Variants in SH3BGRL observed in about 807,000 individuals in gnomAD.
SH3BGRL encodes the protein adapter SH3BGRL.
A neutral mutation model predicts 9.8 loss-of-function variants in SH3BGRL; 7 were observed. That is an observed-to-expected ratio of 0.72 (90% CI 0.41 to 1.35). The LOEUF is 1.35. Ranked by LOEUF, SH3BGRL falls within the 40% of genes most tolerant of loss-of-function variation. The pLI, the probability that SH3BGRL is intolerant of heterozygous loss-of-function variation, is 0.01. For synonymous variants in SH3BGRL, 36 were observed against 29.1 expected (o/e 1.24, Z -0.76); for missense variants, 73 against 84.4 (o/e 0.86, Z 0.53).
intron 1 of SH3BGRL, among the ~76,000 whole-genome samples, chrX:81,240,117 C>T (rs776035025): frequency 1.8e-5 from 2 of 112,037 alleles, no homozygotes; most frequent in South Asian, 7.4e-4. Flanking sequence ...AGAAAAAACA[C>T]AGATTATTAT....
chrX:81,238,343 A>G (rs952114189), intron 1 of SH3BGRL, among the ~76,000 whole-genome samples: 1 of 112,206 alleles, frequency 8.9e-6, no homozygotes, highest in Non-Finnish European at 1.9e-5. Flanking sequence ...GGGAACATTG[A>G]CAGCAGTCTG....
intron 1 of SH3BGRL, among the ~76,000 whole-genome samples, chrX:81,235,891 G>A (rs183867393): frequency 1.8e-4 from 20 of 111,271 alleles, no homozygotes; most frequent in East Asian, 1.7e-3. Context: ...CTGGCTCCTC[G>A]TACTGAACTT....
chrX:81,224,977 T>TA (rs1223705688), intron 1 of SH3BGRL, among the ~76,000 whole-genome samples: 5 of 109,732 alleles, frequency 4.6e-5, no homozygotes, highest in South Asian at 3.9e-4. Context: ...CAGTCTTTTC[T>TA]AAAAAAAAGG....
intron 1 of SH3BGRL, among the ~76,000 whole-genome samples, chrX:81,208,692 A>G (rs1473554539): frequency 1.8e-5 from 2 of 112,027 alleles, no homozygotes; most frequent in Non-Finnish European, 3.8e-5. Flanking sequence ...ACCAAGGTTA[A>G]ACAAAAGTAC....
intron 1 of SH3BGRL, among the ~76,000 whole-genome samples, chrX:81,205,318 G>A (rs770154685): frequency 8.1e-5 from 9 of 110,443 alleles, no homozygotes; most frequent in Non-Finnish European, 1.7e-4. Flanking sequence ...GGGTGAGAAC[G>A]TGTGGTATGT....
chrX:81,217,268 A>T (rs2075584148), intron 1 of SH3BGRL, among the ~76,000 whole-genome samples: 1 of 109,846 alleles, frequency 9.1e-6, no homozygotes, highest in Non-Finnish European at 1.9e-5. Context: ...AATTTCATTT[A>T]GTTCTGCTCT....
chrX:81,246,688 A>G (rs1484439327), intron 1 of SH3BGRL, among the ~76,000 whole-genome samples: 1 of 111,042 alleles, frequency 9.0e-6, no homozygotes, highest in Non-Finnish European at 1.9e-5. Context: ...TAGTACCAGT[A>G]CCATGCTGGT....
At chrX:81,227,195 T>C (rs896363515) in intron 1 of SH3BGRL, among the ~76,000 whole-genome samples, 2 of 112,078 alleles carry the variant, frequency 1.8e-5, no homozygotes, top group African/African-American at 6.5e-5. Flanking sequence ...CAAAAATCAG[T>C]TACTGAGTCA....
At chrX:81,289,136 A>G (rs1424751057) in intron 3 of SH3BGRL, among the ~76,000 whole-genome samples, 2 of 112,214 alleles carry the variant, frequency 1.8e-5, no homozygotes, top group Non-Finnish European at 3.8e-5. Flanking sequence ...TCTACGGTGA[A>G]CTCATTTTTG....
chrX:81,232,522 T>A (rs762413985), intron 1 of SH3BGRL, among the ~76,000 whole-genome samples: 141 of 110,913 alleles, frequency 1.3e-3, no homozygotes, highest in Middle Eastern at 9.3e-3. Context: ...ACTTAGTTGA[T>A]GCTCTCCCAG....
intron 1 of SH3BGRL, among the ~76,000 whole-genome samples, chrX:81,231,158 T>A (rs1400109794): frequency 8.9e-6 from 1 of 112,386 alleles, no homozygotes; most frequent in Non-Finnish European, 1.9e-5. Context: ...AGCAGCAGCC[T>A]GTCAGTAAAA....
In SH3BGRL at chrX:81,245,454, G is replaced by A. The variant is rs140686840; in HGVS notation, c.46-31530G>A. 4.8e-3 allele frequency among the ~76,000 whole-genome samples: 532 copies of A among 111,793 alleles called. 4 individuals are homozygous for A. Among genetic ancestry groups the A allele is most frequent in the African/African-American group, 0.017 (510 of 30,786 alleles). On this transcript the variant is annotated intron_variant, in intron 1 of 3. Transcript: ENST00000373212. ...TTTCTTCCTTTGCACACAATGGTTT[G>A]GCGAGCTTGCTTTTATGTAATAAGA...
chrX:81,244,609 A>G (rs763839551), intron 1 of SH3BGRL, among the ~76,000 whole-genome samples: 16 of 112,141 alleles, frequency 1.4e-4, no homozygotes, highest in Non-Finnish European at 2.8e-4. Context: ...TCATGAATCA[A>G]GTATCTGATT....
chrX:81,226,720 G>A (rs1022063276), intron 1 of SH3BGRL, among the ~76,000 whole-genome samples: 1 of 108,789 alleles, frequency 9.2e-6, no homozygotes, highest in African/African-American at 3.3e-5. Context: ...AGGGAAATAG[G>A]AGGTATGATG....
chrX:81,236,910 A>G (rs2075650181), intron 1 of SH3BGRL, among the ~76,000 whole-genome samples: 1 of 108,632 alleles, frequency 9.2e-6, no homozygotes, highest in Admixed American at 9.9e-5. Context: ...GGAGAGAGAG[A>G]GAGAGAGAGA....
intron 3 of SH3BGRL, among the ~76,000 whole-genome samples, chrX:81,281,797 G>T (rs762374178): frequency 8.9e-6 from 1 of 111,882 alleles, no homozygotes; most frequent in African/African-American, 3.2e-5. Context: ...GAGTACACAG[G>T]CAACAAAGAG....
chrX:81,275,036 A>G (rs900603868), intron 1 of SH3BGRL, among the ~76,000 whole-genome samples: 1 of 111,318 alleles, frequency 9.0e-6, no homozygotes, highest in Non-Finnish European at 1.9e-5. Context: ...ACTTCAGTGA[A>G]GGTACACTAT....
intron 1 of SH3BGRL, among the ~76,000 whole-genome samples, chrX:81,269,486 C>T (rs763371725): frequency 1.8e-3 from 200 of 111,402 alleles, no homozygotes; most frequent in African/African-American, 6.3e-3. Flanking sequence ...AGCTTAGTTT[C>T]GCTGGATATG....
At chrX:81,227,963 A>G (rs2075622257) in intron 1 of SH3BGRL, among the ~76,000 whole-genome samples, 1 of 112,070 alleles carries the variant, frequency 8.9e-6, no homozygotes, top group African/African-American at 3.2e-5. Context: ...TGCAGTTTGT[A>G]TGCAGTTTTA....
Sources: allele counts gnomAD v4.1 joint callset (sites outside exome capture counted in the v4.1 genomes callset), GRCh38; gene constraint gnomAD v4.1.1; transcripts MANE v1.5; gene names NCBI Gene and HGNC (gene_info 2026-07-23, HGNC 2026-07-21).